The following DMRT1 variants were observed in gnomAD, a reference collection of about 807,000 sequenced individuals.
DMRT1 encodes doublesex- and mab-3-related transcription factor 1.
In DMRT1, 7 loss-of-function variants were observed where a neutral mutation model predicts 32.3. The ratio of observed to expected loss-of-function variants is 0.22; its 90% confidence interval spans 0.12 to 0.41. DMRT1 has a LOEUF of 0.41. DMRT1 is among the 10% of genes least tolerant of loss of function. The probability of loss-of-function intolerance (pLI) is 1.00; values close to 1 mark genes in which losing one functional copy is unlikely to be tolerated. For missense variants in DMRT1, 625 were observed against 500.5 expected, an observed-to-expected ratio of 1.25 and a Z score of -2.37; for synonymous variants, 278 against 206.1, an observed-to-expected ratio of 1.35 and a Z score of -2.99.
At chr9:946,573 C>G (rs1419193636) in intron 4 of DMRT1, among the ~76,000 whole-genome samples, 1 of 152,196 alleles carries the variant, frequency 6.6e-6, no homozygotes, top group East Asian at 1.9e-4. Flanking sequence ...CCACCTCACA[C>G]TGAATCCCAA....
intron 4 of DMRT1, among the ~76,000 whole-genome samples, chr9:955,442 C>A (rs966109156): frequency 6.6e-6 from 1 of 152,158 alleles, no homozygotes; most frequent in Non-Finnish European, 1.5e-5. Context: ...TGGTGGCTCA[C>A]GCCTGTAATC....
At chr9:946,462 A>G (rs140247300) in intron 4 of DMRT1, among the ~76,000 whole-genome samples, 4 of 152,100 alleles carry the variant, frequency 2.6e-5, no homozygotes, top group Non-Finnish European at 4.4e-5. Context: ...TAACTGGACC[A>G]TTTCATCCAC....
intron 4 of DMRT1, among the ~76,000 whole-genome samples, chr9:948,174 T>C (rs2129941354): frequency 6.6e-6 from 1 of 152,344 alleles, no homozygotes; most frequent in Non-Finnish European, 1.5e-5. Flanking sequence ...AGTGGGGAGC[T>C]TGAGGCCTGT....
intron 4 of DMRT1, among the ~76,000 whole-genome samples, chr9:924,699 A>T (rs1818465491): frequency 6.6e-6 from 1 of 152,194 alleles, no homozygotes; most frequent in African/African-American, 2.4e-5. Flanking sequence ...CAGATAATAA[A>T]CATTTGGAAA....
chr9:886,548 G>T (rs1816937763), intron 2 of DMRT1, among the ~76,000 whole-genome samples: 1 of 152,000 alleles, frequency 6.6e-6, no homozygotes, highest in Non-Finnish European at 1.5e-5. Flanking sequence ...GAGCCACCGT[G>T]TACGGCCAAA....
Position 957,268 on chromosome 9 carries a change from A to G in DMRT1, c.968-10717A>G, listed in dbSNP as rs192797802. 2.1e-3 allele frequency among the ~76,000 whole-genome samples: 317 copies of G among 152,368 alleles called. 2 individuals carry two copies. Among genetic ancestry groups the G allele is most frequent in the African/African-American group, 7.5e-3 (310 of 41,582 alleles). On this transcript the variant is annotated intron_variant, in intron 4 of 4. Coordinates refer to ENST00000382276, the MANE Select transcript of DMRT1 (RefSeq NM_021951.3). ...CCTGGAGAGAAGAAGGCACAGTAACAATAACATTCCATGAATGCCTTATAT... is the reference window on the plus strand; with the variant it reads ...CCTGGAGAGAAGAAGGCACAGTAACGATAACATTCCATGAATGCCTTATAT...
intron 2 of DMRT1, among the ~76,000 whole-genome samples, chr9:869,302 T>C (rs900720728): frequency 6.6e-6 from 1 of 152,132 alleles, no homozygotes; most frequent in Non-Finnish European, 1.5e-5. Context: ...GGCATAGAAA[T>C]AAAAATGTGG....
chr9:878,908 A>G (rs2132625414), intron 2 of DMRT1, among the ~76,000 whole-genome samples: 1 of 152,312 alleles, frequency 6.6e-6, no homozygotes, highest in South Asian at 2.1e-4. Flanking sequence ...ATTGCATGGC[A>G]TTAGATTTCA....
chr9:928,362 A>G (rs1193531760), intron 4 of DMRT1, among the ~76,000 whole-genome samples: 3 of 152,192 alleles, frequency 2.0e-5, no homozygotes, highest in Non-Finnish European at 2.9e-5. Flanking sequence ...CTGGCTTTAC[A>G]TTGAATCCAG....
intron 2 of DMRT1, among the ~76,000 whole-genome samples, chr9:879,224 T>C (rs558614935): frequency 6.6e-6 from 1 of 152,322 alleles, no homozygotes; most frequent in Non-Finnish European, 1.5e-5. Flanking sequence ...TAAAAAGTAT[T>C]GAGGACCTCA....
At chr9:907,251 AC>A (rs1244033113) in intron 3 of DMRT1, among the ~76,000 whole-genome samples, 1 of 152,184 alleles carries the variant, frequency 6.6e-6, no homozygotes, top group Non-Finnish European at 1.5e-5. Context: ...CAGCCATTTT[AC>A]TGAAACTCTG....
intron 2 of DMRT1, among the ~76,000 whole-genome samples, chr9:873,830 A>G (rs1225338383): frequency 2.6e-5 from 4 of 152,184 alleles, no homozygotes; most frequent in Non-Finnish European, 5.9e-5. Flanking sequence ...GCAGGGAGAG[A>G]ACAGACAATG....
In DMRT1 at chr9:949,357, C is replaced by G. The variant is rs534093113; in HGVS notation, c.968-18628C>G. The stretch of plus-strand genomic sequence containing the variant: ...GCACTGAAGCCTGGGAGAGCAAGAC[C>G]CTCTCTCGGGGAAAAAAAAACCCCA... On this transcript the variant is annotated intron_variant, in intron 4 of 4. Coordinates refer to ENST00000382276, the MANE Select transcript of DMRT1 (RefSeq NM_021951.3). Among the ~76,000 whole-genome samples the G allele has an allele frequency of 5.1e-3, 686 of 134,660 alleles. 5 individuals carry two copies. Among genetic ancestry groups the G allele is most frequent in the African/African-American group, 0.022 (655 of 30,388 alleles). 88.3% of individuals were successfully genotyped at this position (134,660 alleles called of 152,430 possible). A position where few individuals can be genotyped will look rare whatever the true frequency, so the allele number is the denominator to read the frequency against.
At position 902,201 on chromosome 9, in the gene DMRT1, C is replaced by T. The variant is rs563046901; in HGVS notation, c.822+8006C>T. Among the ~76,000 whole-genome samples the T allele has an allele frequency of 1.5e-4, 22 of 151,258 alleles. No individual in the cohort carries two copies. In the South Asian group the frequency reaches 2.5e-3, roughly 18 times the overall value. The stretch of plus-strand genomic sequence containing the variant: ...CTGGGATTACAGGCGTGAGCCACCG[C>T]GCCAGCCACTTTTCAACTTTTTAAA... On this transcript the variant is annotated intron_variant, in intron 3 of 4. Coordinates refer to ENST00000382276, the MANE Select transcript of DMRT1 (RefSeq NM_021951.3).
At chr9:953,907 C>T (rs891009967) in intron 4 of DMRT1, among the ~76,000 whole-genome samples, 5 of 152,198 alleles carry the variant, frequency 3.3e-5, no homozygotes, top group African/African-American at 1.2e-4. Context: ...CATGGTCCCT[C>T]CTCTGGTCTG....
At chr9:848,206 C>G (rs1409351438) in intron 2 of DMRT1, among the ~76,000 whole-genome samples, 16 of 152,176 alleles carry the variant, frequency 1.1e-4, no homozygotes, top group Admixed American at 1.0e-3. Context: ...GTACTAAAGT[C>G]ACACAACTAT....
chr9:934,447 C>G (rs1818821566), intron 4 of DMRT1, among the ~76,000 whole-genome samples: 1 of 152,206 alleles, frequency 6.6e-6, no homozygotes, highest in Non-Finnish European at 1.5e-5. Context: ...AGGAGGATCA[C>G]TTGAGCCCAG....
In DMRT1 at chr9:864,271, C is replaced by G. The variant is rs146175365; in HGVS notation, c.538+17128C>G. On this transcript the variant is annotated intron_variant, in intron 2 of 4. Transcript: ENST00000382276. ...CCAGGCTGGAGTGCAGTGGTGTGAT[C>G]TCGGCTCACTGCAGCCTCTGCCTCT... 2.5e-3 allele frequency among the ~76,000 whole-genome samples: 371 copies of G among 147,130 alleles called. 1 individual carries two copies. Among genetic ancestry groups the G allele is most frequent in the African/African-American group, 8.5e-3 (337 of 39,602 alleles).
chr9:911,883 A>G (rs962090599), intron 3 of DMRT1, among the ~76,000 whole-genome samples: 3 of 152,164 alleles, frequency 2.0e-5, no homozygotes, highest in Non-Finnish European at 4.4e-5. Flanking sequence ...GCAAGTTGTC[A>G]CGTGGATGGG....
Sources: gnomAD v4.1 joint callset for allele counts (sites outside exome capture counted in the v4.1 genomes callset) on GRCh38, gnomAD v4.1.1 for gene constraint, MANE v1.5 for transcripts, NCBI Gene and HGNC (gene_info 2026-07-23, HGNC 2026-07-21) for gene names.